IQANK1: variants seen among roughly 807,000 people sequenced by gnomAD.
The protein encoded by IQANK1 is IQ motif and ankyrin repeat containing 1.
A neutral mutation model predicts 22.6 loss-of-function variants in IQANK1; 30 were observed. That is an observed-to-expected ratio of 1.33 (90% confidence interval 0.99 to 1.80). The LOEUF (loss-of-function observed/expected upper bound fraction) is 1.80, where lower values mean the gene tolerates loss of function less well. Among genes scored for constraint, IQANK1 ranks in the 40% most tolerant of loss-of-function variants. The pLI is 0.00. For synonymous variants in IQANK1, 122 were observed against 99.6 expected, an observed-to-expected ratio of 1.23 and a Z score of -1.34; for missense variants, 275 against 235.2, an observed-to-expected ratio of 1.17 and a Z score of -1.11.
chr8:143,746,783 T>C (rs1243938853), intron 3 of IQANK1, among the ~76,000 whole-genome samples: 1 of 152,194 alleles, frequency 6.6e-6, no homozygotes, highest in Non-Finnish European at 1.5e-5. Context: ...AAGTTTTGTG[T>C]TTTTAGGAAT....
chr8:143,789,375 G>A (rs1439319763), intron 9 of IQANK1, 61 bp from the exon 10 acceptor site: 9 of 936,882 alleles, frequency 9.6e-6, no homozygotes, highest in Non-Finnish European at 1.1e-5. Flanking sequence ...CCTGGGCCAG[G>A]AGTGACCTGG....
intron 2 of IQANK1, among the ~76,000 whole-genome samples, chr8:143,736,992 C>A (rs1818756492): frequency 6.6e-6 from 1 of 152,178 alleles, no homozygotes; most frequent in Non-Finnish European, 1.5e-5. Flanking sequence ...CCTGGCCTAA[C>A]ACCCCTGGTT....
chr8:143,736,662 C>T (rs1330972530), intron 2 of IQANK1, among the ~76,000 whole-genome samples: 1 of 152,150 alleles, frequency 6.6e-6, no homozygotes, highest in Admixed American at 6.5e-5. Context: ...CTGGGCCATC[C>T]TGTGCTGCCC....
rs1384061708 is a variant in IQANK1, at chr8:143,739,959, G to T, written c.175+11G>T. On this transcript the variant is annotated intron_variant, in intron 3 of 13. Transcript: ENST00000527139. ...CACAGGCCCCCACAGGTGAGAGCCC[G>T]CACGTCCCGCGCCGCTGTGGGTGAC... 1.5e-6 allele frequency: 1 copy of T among 686,024 alleles called. No homozygotes were observed. The highest frequency in any genetic ancestry group is 2.7e-5 in the East Asian group (1 of 36,534). 42.5% of individuals were successfully genotyped at this position (686,024 alleles called of 1,614,324 possible).
At chr8:143,768,424 G>A (rs1554629418) in intron 3 of IQANK1, among the ~76,000 whole-genome samples, 1 of 152,016 alleles carries the variant, frequency 6.6e-6, no homozygotes, top group African/African-American at 2.4e-5. Flanking sequence ...TCCTTTCGTG[G>A]TTGATACTTA....
At chr8:143,778,391 G>T (rs1402850434) in intron 7 of IQANK1, among the ~76,000 whole-genome samples, 7 of 152,148 alleles carry the variant, frequency 4.6e-5, no homozygotes, top group Non-Finnish European at 1.0e-4. Flanking sequence ...TCAGAAAAAA[G>T]TATGTTACTA....
At chr8:143,755,165 A>G (rs1186252970) in intron 3 of IQANK1, among the ~76,000 whole-genome samples, 2 of 152,204 alleles carry the variant, frequency 1.3e-5, no homozygotes, top group Non-Finnish European at 2.9e-5. Context: ...ATACAGTGAT[A>G]TATTCTCAGG....
intron 7 of IQANK1, among the ~76,000 whole-genome samples, chr8:143,772,695 A>G (rs1479604897): frequency 1.3e-5 from 2 of 152,168 alleles, no homozygotes; most frequent in Non-Finnish European, 2.9e-5. Flanking sequence ...GCCGTGCGCC[A>G]TTCCCTTCCT....
At chr8:143,768,517 C>T (rs370970245) in intron 3 of IQANK1, among the ~76,000 whole-genome samples, 261 of 152,296 alleles carry the variant, frequency 1.7e-3, no homozygotes, top group African/African-American at 5.7e-3. Flanking sequence ...GGCGGACATA[C>T]GTCGGTGGCT....
chr8:143,781,358 T>G (rs10105253), intron 7 of IQANK1, among the ~76,000 whole-genome samples: 151,665 of 152,282 alleles, frequency 1, 75,529 homozygotes, highest in Non-Finnish European at 1. Flanking sequence ...TGCTTTTGTT[T>G]TGATTGCTTT....
In IQANK1 at chr8:143,790,611, C is replaced by T. The variant is rs1554632249; in HGVS notation, c.*3C>T. The T allele has an allele frequency of 5.0e-6, 2 of 398,712 alleles. No homozygotes were observed. Among genetic ancestry groups the T allele is most frequent in the African/African-American group, 2.1e-5 (1 of 48,650 alleles). 24.7% of individuals were successfully genotyped at this position (398,712 alleles called of 1,614,324 possible). ...AGCTGCCAGGCACAGGCCTCTAGTG[C>T]TGGCCCCAGTCCCAATAAAACGTGT... On this transcript the variant is annotated 3_prime_UTR_variant, in exon 14 of 14. Coordinates refer to ENST00000527139, the MANE Select transcript of IQANK1 (RefSeq NM_001381874.1).
chr8:143,739,971 C>T (rs1818858700), intron 3 of IQANK1, 23 bp downstream of exon 3: 1 of 680,952 alleles, frequency 1.5e-6, no homozygotes, highest in Admixed American at 2.1e-5. Flanking sequence ...ACGTCCCGCG[C>T]CGCTGTGGGT....
At chr8:143,742,305 G>A (rs782373441) in intron 3 of IQANK1, 17 of 445,242 alleles carry the variant, frequency 3.8e-5, no homozygotes, top group African/African-American at 2.2e-4. Flanking sequence ...GGTGCCCCCC[G>A]GGGGCTTCCC....
intron 3 of IQANK1, among the ~76,000 whole-genome samples, chr8:143,761,460 T>A (rs1482977134): frequency 1.3e-5 from 2 of 152,252 alleles, no homozygotes; most frequent in Non-Finnish European, 2.9e-5. Flanking sequence ...TTTGAACAAT[T>A]ACATACTGAC....
Position 143,739,866 on chromosome 8 carries a change from C to G in IQANK1, c.93C>G (p.Pro31=), listed in dbSNP as rs372741198. ...GPKTRAAAGK[P]GENRPPQRKA... ...ACGGTCGTTTTCCCTTAGGGAAGCC[C>G]GGGGAGAACCGCCCGCCGCAGAGGA... The change falls in exon 3 of 14, where the codon CCC becomes CCG. Residue 31 remains proline, a synonymous_variant. Coordinates refer to ENST00000527139, the MANE Select transcript of IQANK1 (RefSeq NM_001381874.1). 2.9e-6 allele frequency: 2 copies of G among 694,186 alleles called. No homozygotes were observed. Among genetic ancestry groups the G allele is most frequent in the Non-Finnish European group, 5.2e-6 (2 of 381,422 alleles). 43.0% of individuals were successfully genotyped at this position (694,186 alleles called of 1,614,324 possible).
At chr8:143,753,029 G>A (rs1819225280) in intron 3 of IQANK1, among the ~76,000 whole-genome samples, 2 of 126,344 alleles carry the variant, frequency 1.6e-5, no homozygotes, top group South Asian at 5.1e-4. Flanking sequence ...TTTGAGACAG[G>A]GTCTCACTCT....
chr8:143,783,164 G>A (rs1819827327), intron 7 of IQANK1, among the ~76,000 whole-genome samples: 1 of 152,160 alleles, frequency 6.6e-6, no homozygotes, highest in African/African-American at 2.4e-5. Flanking sequence ...GTACATATGT[G>A]CACAGTTTTC....
Position 143,789,792 on chromosome 8 carries a change from G to A in IQANK1, c.1118G>A (p.Arg373Lys). 1 of 1,232,160 alleles carries A rather than the reference G, an allele frequency of 8.1e-7. No individual in the cohort carries two copies. Among genetic ancestry groups the A allele is most frequent in the East Asian group, 3.2e-5 (1 of 31,698 alleles). 76.3% of individuals were successfully genotyped at this position (1,232,160 alleles called of 1,614,324 possible). The change falls in exon 11 of 14, where the codon AGG (arginine) becomes AAG (lysine). Residue 373 changes from arginine (R) to lysine (K), a missense_variant. Physicochemically the swap from Arg to Lys is conservative, Grantham distance 26. Coordinates refer to ENST00000527139, the MANE Select transcript of IQANK1 (RefSeq NM_001381874.1). Reference protein sequence around the residue: ...AIKDTEAQVDRLRQEAQKAEE... With the variant: ...AIKDTEAQVDKLRQEAQKAEE... ...AAGGACACAGAGGCCCAGGTGGACA[G>A]GCTGCGGCAGGAGGCCCAGAAGGCC...
Position 143,790,272 on chromosome 8 carries a change from G to A in IQANK1, c.1424+1G>A. ...GGCTGGCTCTGCTGGGGGCTCTGCG[G>A]TGAGGCAGGCAGGGTGACAGGTACA... On this transcript the variant is annotated splice_donor_variant, in intron 13 of 13. Transcript: ENST00000527139. LOFTEE classifies it high-confidence loss of function. 2 of 1,232,190 alleles carry A rather than the reference G, an allele frequency of 1.6e-6. No homozygotes were observed. Among genetic ancestry groups the A allele is most frequent in the Non-Finnish European group, 2.0e-6 (2 of 988,078 alleles). 76.3% of individuals were successfully genotyped at this position (1,232,190 alleles called of 1,614,324 possible).
Sources: gnomAD v4.1 joint callset for allele counts (sites outside exome capture counted in the v4.1 genomes callset) on GRCh38, gnomAD v4.1.1 for gene constraint, MANE v1.5 for transcripts, NCBI Gene and HGNC (gene_info 2026-07-23, HGNC 2026-07-21) for gene names.